LHFPL6: variants seen among roughly 807,000 people sequenced by gnomAD.
LHFPL6 encodes the protein LHFPL tetraspan subfamily member 6 protein.
A neutral mutation model predicts 20.6 loss-of-function variants in LHFPL6; 9 were observed. That is an observed-to-expected ratio of 0.44 (90% CI 0.26 to 0.76). LHFPL6 has a LOEUF of 0.76. LHFPL6 is among the 30% of genes least tolerant of loss of function. The pLI is 0.20. For synonymous variants in LHFPL6, 105 were observed against 98.7 expected (o/e 1.06, Z -0.38); for missense variants, 218 against 253.5 (o/e 0.86, Z 0.95).
At chr13:39,441,563 G>C (rs1287259676) in intron 2 of LHFPL6, among the ~76,000 whole-genome samples, 2 of 151,548 alleles carry the variant, frequency 1.3e-5, no homozygotes, top group Non-Finnish European at 2.9e-5. Context: ...CCCAGGCTGG[G>C]GTGCAGAGGC....
In LHFPL6 at chr13:39,417,229, C is replaced by G. The variant is rs1029136336; in HGVS notation, c.386-38703G>C. 5.3e-5 allele frequency among the ~76,000 whole-genome samples: 8 copies of G among 152,300 alleles called. No homozygotes were observed. The South Asian group carries it at 1.7e-3, about 32-fold the overall frequency. On this transcript the variant is annotated intron_variant, in intron 2 of 3. Transcript: ENST00000379589. ...CTACCAAAAAGACTAACTACCCAAGCTTTTTCCCAAAGGCACTGTTGGTTA... is the reference window on the plus strand; with the variant it reads ...CTACCAAAAAGACTAACTACCCAAGGTTTTTCCCAAAGGCACTGTTGGTTA...
At chr13:39,511,061 C>T (rs1024734577) in intron 2 of LHFPL6, among the ~76,000 whole-genome samples, 52 of 152,124 alleles carry the variant, frequency 3.4e-4, no homozygotes, top group South Asian at 2.1e-4. Context: ...TTGGTAGAGA[C>T]GGAGTTTCAC....
intron 2 of LHFPL6, among the ~76,000 whole-genome samples, chr13:39,581,504 A>G (rs1057339687): frequency 6.6e-6 from 1 of 151,648 alleles, no homozygotes; most frequent in Non-Finnish European, 1.5e-5. Flanking sequence ...CAGGCGATCA[A>G]AATAGAATAC....
chr13:39,438,637 G>A (rs1404735683), intron 2 of LHFPL6, among the ~76,000 whole-genome samples: 2 of 152,194 alleles, frequency 1.3e-5, no homozygotes, highest in African/African-American at 4.8e-5. Context: ...TGGTTTGTTG[G>A]GCTAGGCCCA....
intron 2 of LHFPL6, among the ~76,000 whole-genome samples, chr13:39,560,504 CTTTTTTT>C (rs376446144): frequency 2.5e-5 from 3 of 118,178 alleles, no homozygotes; most frequent in Non-Finnish European, 3.3e-5. Context: ...TGCAAATTCT[CTTTTTTT>C]TTTTTTTTTT....
intron 2 of LHFPL6, among the ~76,000 whole-genome samples, chr13:39,562,689 CACACACAT>C (rs1483118295): frequency 1.4e-5 from 2 of 145,534 alleles, no homozygotes; most frequent in African/African-American, 5.1e-5. Flanking sequence ...TACACACACA[CACACACAT>C]ATATATATAT....
At chr13:39,538,763 T>C (rs1870703336) in intron 2 of LHFPL6, among the ~76,000 whole-genome samples, 1 of 152,104 alleles carries the variant, frequency 6.6e-6, no homozygotes, top group Non-Finnish European at 1.5e-5. Context: ...AGTATAACGA[T>C]TTCAATTTGG....
chr13:39,447,260 ACT>A (rs1340583965), intron 2 of LHFPL6, among the ~76,000 whole-genome samples: 1 of 152,012 alleles, frequency 6.6e-6, no homozygotes, highest in Non-Finnish European at 1.5e-5. Flanking sequence ...TACAGTGCAG[ACT>A]CTCTTGAGTG....
intron 2 of LHFPL6, among the ~76,000 whole-genome samples, chr13:39,402,488 C>T (rs78077206): frequency 0.093 from 14,191 of 152,222 alleles, 764 homozygotes; most frequent in African/African-American, 0.14. Context: ...TCCTGGCCTC[C>T]CACAGTGGTA....
At chr13:39,580,514 CT>C (rs375674068) in intron 2 of LHFPL6, among the ~76,000 whole-genome samples, 202 of 152,230 alleles carry the variant, frequency 1.3e-3, no homozygotes, top group African/African-American at 4.7e-3. Flanking sequence ...AACCAAAGTC[CT>C]TTCTTTGTAG....
At chr13:39,574,064 A>C (rs1872021613) in intron 2 of LHFPL6, among the ~76,000 whole-genome samples, 1 of 152,156 alleles carries the variant, frequency 6.6e-6, no homozygotes, top group Non-Finnish European at 1.5e-5. Flanking sequence ...ACAGATTTTG[A>C]CGCACCTGAT....
intron 2 of LHFPL6, among the ~76,000 whole-genome samples, chr13:39,576,164 C>T (rs896344068): frequency 6.6e-6 from 1 of 152,136 alleles, no homozygotes; most frequent in Non-Finnish European, 1.5e-5. Flanking sequence ...AGGAAATAAG[C>T]CCATTTTTCA....
At chr13:39,524,500 G>T (rs960715034) in intron 2 of LHFPL6, among the ~76,000 whole-genome samples, 9 of 152,188 alleles carry the variant, frequency 5.9e-5, no homozygotes, top group African/African-American at 1.4e-4. Flanking sequence ...TGGCTCAAAG[G>T]CTCACTGAAA....
intron 2 of LHFPL6, among the ~76,000 whole-genome samples, chr13:39,553,504 G>T (rs942431073): frequency 2.6e-5 from 4 of 152,094 alleles, no homozygotes; most frequent in Admixed American, 2.6e-4. Flanking sequence ...TTGAGCTCAG[G>T]AGTTCAAGAC....
intron 2 of LHFPL6, among the ~76,000 whole-genome samples, chr13:39,411,737 C>T (rs537801648): frequency 6.6e-6 from 1 of 152,282 alleles, no homozygotes; most frequent in East Asian, 1.9e-4. Context: ...ATGGAATTGT[C>T]GGGAAGTAGA....
At chr13:39,586,173 A>G (rs201752934) in intron 2 of LHFPL6, among the ~76,000 whole-genome samples, 5 of 3,346 alleles carry the variant, frequency 1.5e-3, no homozygotes, top group Non-Finnish European at 1.9e-3. Context: ...TATTGTGTGT[A>G]TATATATATA....
chr13:39,431,237 ACACT>A (rs1871790992), intron 2 of LHFPL6, among the ~76,000 whole-genome samples: 1 of 152,180 alleles, frequency 6.6e-6, no homozygotes, highest in African/African-American at 2.4e-5. Context: ...AAGAACTGTA[ACACT>A]CACTGCGAAG....
chr13:39,507,810 T>C (rs1005702151), intron 2 of LHFPL6, among the ~76,000 whole-genome samples: 17 of 152,148 alleles, frequency 1.1e-4, no homozygotes, highest in Non-Finnish European at 1.3e-4. Flanking sequence ...ATGCAGTTTA[T>C]CCACAGGTAC....
At chr13:39,587,639 C>A (rs1245446991) in intron 2 of LHFPL6, among the ~76,000 whole-genome samples, 1 of 151,934 alleles carries the variant, frequency 6.6e-6, no homozygotes, top group Non-Finnish European at 1.5e-5. Context: ...CCGAAACCAT[C>A]CTAGATATTT....
Sources: gnomAD v4.1 joint callset for allele counts (sites outside exome capture counted in the v4.1 genomes callset) on GRCh38, gnomAD v4.1.1 for gene constraint, MANE v1.5 for transcripts, NCBI Gene and HGNC (gene_info 2026-07-23, HGNC 2026-07-21) for gene names.